SYNE1: variants seen among roughly 807,000 people sequenced by gnomAD.
The protein encoded by SYNE1 is nesprin-1.
Under a neutral mutation model 1,111.0 loss-of-function variants are expected in SYNE1, and 616 were observed. The observed-to-expected ratio is 0.55, with a 90% CI of 0.52 to 0.59. The LOEUF (loss-of-function observed/expected upper bound fraction) is 0.59. Ranked by LOEUF, SYNE1 falls within the 20% of genes least tolerant of loss-of-function variation. The pLI is 0.00. For missense variants in SYNE1, 10,006 were observed against 10,417.0 expected (o/e 0.96, Z 1.72); for synonymous variants, 3,855 against 3,825.8 (o/e 1.01, Z -0.28).
chr6:152,376,530 G>T lies in SYNE1; in HGVS notation c.9175C>A (p.Gln3059Lys). Reference protein sequence around the residue: ...CLCLQASKGCQNKEQILQQRF... With the variant: ...CLCLQASKGCKNKEQILQQRF... Reference sequence around the variant, plus strand: ...TGCTGTAAAATCTGTTCTTTATTCTGGCAGCCCTTGGATGCTTGCAAACAA... The same window carrying T: ...TGCTGTAAAATCTGTTCTTTATTCTTGCAGCCCTTGGATGCTTGCAAACAA... Residue 3059 changes from glutamine to lysine, a missense_variant, in exon 58 of 146, where the codon CAG becomes AAG. By Grantham distance (53) the Gln-to-Lys change is moderately conservative. Around this residue, in one of 7 missense-constraint regions of SYNE1, gnomAD observed 4,955 missense variants for 5,017.2 expected, o/e 0.99. Coordinates refer to ENST00000367255, the MANE Select transcript of SYNE1 (RefSeq NM_182961.4). The T allele has an allele frequency of 6.2e-7, 1 of 1,613,986 alleles. No individual in the cohort carries two copies. Among genetic ancestry groups the T allele is most frequent in the Non-Finnish European group, 8.5e-7 (1 of 1,180,014 alleles).
intron 14 of SYNE1, among the ~76,000 whole-genome samples, chr6:152,482,496 G>C (rs1009818820): frequency 4.6e-5 from 7 of 152,124 alleles, no homozygotes; most frequent in Non-Finnish European, 8.8e-5. Flanking sequence ...GCATTAATGT[G>C]ATGTTAATGA....
At chr6:152,421,766 C>T (rs953895223) in intron 39 of SYNE1, among the ~76,000 whole-genome samples, 23 of 151,518 alleles carry the variant, frequency 1.5e-4, no homozygotes, top group Middle Eastern at 3.4e-3. Flanking sequence ...AGTGCAATGG[C>T]GTGATCTTGG....
intron 105 of SYNE1, among the ~76,000 whole-genome samples, chr6:152,246,073 T>A (rs1036500218): frequency 3.3e-5 from 5 of 152,020 alleles, no homozygotes; most frequent in Non-Finnish European, 7.4e-5. Context: ...AACACACCAA[T>A]AAGACAGGCC....
At chr6:152,394,715 G>A (rs2097703400) in intron 51 of SYNE1, among the ~76,000 whole-genome samples, 1 of 151,858 alleles carries the variant, frequency 6.6e-6, no homozygotes, top group Non-Finnish European at 1.5e-5. Flanking sequence ...GGTGGGAAAT[G>A]GAACTGGAAG....
intron 3 of SYNE1, among the ~76,000 whole-genome samples, chr6:152,554,471 T>C (rs1360417967): frequency 6.6e-6 from 1 of 152,098 alleles, no homozygotes; most frequent in African/African-American, 2.4e-5. Context: ...GATCAAAAGA[T>C]CGATAGTGCA....
intron 106 of SYNE1, among the ~76,000 whole-genome samples, chr6:152,243,356 A>T (rs1369726866): frequency 1.3e-5 from 2 of 152,234 alleles, no homozygotes; most frequent in Non-Finnish European, 2.9e-5. Flanking sequence ...CAAACTTAAG[A>T]AGGCAATATT....
At chr6:152,268,774 T>TA (rs1382317549) in intron 99 of SYNE1, among the ~76,000 whole-genome samples, 1 of 151,892 alleles carries the variant, frequency 6.6e-6, no homozygotes, top group African/African-American at 2.4e-5. Flanking sequence ...CTGCATTCAT[T>TA]AAAAAAAATA....
intron 59 of SYNE1, among the ~76,000 whole-genome samples, chr6:152,371,935 CAGGAAAGGAA>C (rs202166129): frequency 0.015 from 954 of 62,710 alleles, 18 homozygotes; most frequent in Non-Finnish European, 0.025. Flanking sequence ...CAGGACAGGA[CAGGAAAGGAA>C]AGGAAAGGAA....
At chr6:152,136,489 T>C (rs1222210913) in intron 141 of SYNE1, 129 bp downstream of exon 141, 2 of 1,112,458 alleles carry the variant, frequency 1.8e-6, no homozygotes, top group East Asian at 2.6e-5. Context: ...GGCACAAGGT[T>C]ATCTCACTGA....
In SYNE1 at chr6:152,323,458, G is replaced by T; in HGVS notation, c.15917+20C>A. 6.2e-7 allele frequency: 1 copy of T among 1,610,404 alleles called. No individual in the cohort carries two copies. The highest frequency in any genetic ancestry group is 8.5e-7 in the Non-Finnish European group (1 of 1,179,982). On this transcript the variant is annotated intron_variant, in intron 82 of 145. Transcript: ENST00000367255. ...CAAACAAACAAACAAACAAAAGAAT[G>T]AAAGTAGGTGCTTAATTACTTCAGG...
At chr6:152,614,707 A>G (rs2099641124) in intron 3 of SYNE1, among the ~76,000 whole-genome samples, 1 of 152,212 alleles carries the variant, frequency 6.6e-6, no homozygotes, top group Admixed American at 6.5e-5. Context: ...AGCACTATTC[A>G]CAATAGCAAA....
At chr6:152,571,712 C>G (rs1013352234) in intron 3 of SYNE1, among the ~76,000 whole-genome samples, 4 of 152,044 alleles carry the variant, frequency 2.6e-5, no homozygotes, top group African/African-American at 9.7e-5. Context: ...TTTATTATGG[C>G]TGTATCTGTA....
At chr6:152,229,627 T>G (rs534747290) in intron 115 of SYNE1, among the ~76,000 whole-genome samples, 2 of 152,284 alleles carry the variant, frequency 1.3e-5, no homozygotes, top group Admixed American at 1.3e-4. Flanking sequence ...AACTTCCATT[T>G]ATAGGACATA....
At chr6:152,552,143 G>A (rs886828723) in intron 3 of SYNE1, among the ~76,000 whole-genome samples, 1 of 152,128 alleles carries the variant, frequency 6.6e-6, no homozygotes, top group Non-Finnish European at 1.5e-5. Flanking sequence ...GAAAAGGGGG[G>A]AGAAAAGCTG....
chr6:152,486,778 T>G (rs1243111627), intron 12 of SYNE1, among the ~76,000 whole-genome samples: 1 of 152,186 alleles, frequency 6.6e-6, no homozygotes, highest in African/African-American at 2.4e-5. Flanking sequence ...GATGCTATCA[T>G]CCACCTAAAT....
At chr6:152,319,103 C>T in intron 84 of SYNE1, 88 bp from the exon 85 acceptor site, 5 of 1,553,948 alleles carry the variant, frequency 3.2e-6, no homozygotes, top group Non-Finnish European at 3.5e-6. Flanking sequence ...TGACAAGACA[C>T]ATTTTAACTG....
In SYNE1 at chr6:152,148,324, C is replaced by T; in HGVS notation, c.24697G>A (p.Ala8233Thr). 1.2e-6 allele frequency: 2 copies of T among 1,614,130 alleles called. No homozygotes were observed. Among genetic ancestry groups the T allele is most frequent in the African/African-American group, 1.3e-5 (1 of 75,056 alleles). Reference sequence around the variant, plus strand: ...TGCCAGTGCAGGTCCGACAGAGCTGCAGAGTCTTCCAGCTCCAGCTCCCTG... The same window carrying T: ...TGCCAGTGCAGGTCCGACAGAGCTGTAGAGTCTTCCAGCTCCAGCTCCCTG... The part of the protein sequence containing the change: ...SDRELELEDS[A>T]ALSDLHWHDR... Residue 8233 changes from alanine (A) to threonine (T), a missense_variant, in exon 137 of 146, where the codon GCA (alanine) becomes ACA (threonine). Around this residue, in one of 7 missense-constraint regions of SYNE1, gnomAD observed 761 missense variants for 795.5 expected, o/e 0.96. Coordinates refer to ENST00000367255, the MANE Select transcript of SYNE1 (RefSeq NM_182961.4). This position sits in a 1 kb window ranked among gnomAD's most constrained non-coding sequence, Gnocchi z 4.1.
Position 152,326,280 on chromosome 6 carries a change from A to G in SYNE1, c.15293+16T>C. On this transcript the variant is annotated intron_variant, in intron 79 of 145. Coordinates refer to ENST00000367255, the MANE Select transcript of SYNE1 (RefSeq NM_182961.4). ...TCATTTCACTAAAACATAAAACACAAAACATCCTGAAATACCTCTGCAAGA... is the reference window on the plus strand; with the variant it reads ...TCATTTCACTAAAACATAAAACACAGAACATCCTGAAATACCTCTGCAAGA... The G allele has an allele frequency of 6.2e-7, 1 of 1,614,096 alleles. No homozygotes were observed. Among genetic ancestry groups the G allele is most frequent in the Non-Finnish European group, 8.5e-7 (1 of 1,179,940 alleles).
At chr6:152,512,914 G>C (rs1458748120) in intron 6 of SYNE1, among the ~76,000 whole-genome samples, 1 of 152,168 alleles carries the variant, frequency 6.6e-6, no homozygotes. Context: ...AAGCCAGAAG[G>C]AAGATGGGAC....
Sources: gnomAD v4.1 joint callset for allele counts (sites outside exome capture counted in the v4.1 genomes callset) on GRCh38, gnomAD v4.1.1 for gene constraint, gnomAD v4.1.1 regional missense constraint, Gnocchi (gnomAD v3.1) non-coding constraint, MANE v1.5 for transcripts, NCBI Gene and HGNC (gene_info 2026-07-23, HGNC 2026-07-21) for gene names.